Variants in MPDZ observed in about 807,000 individuals in gnomAD.
The protein encoded by MPDZ is multiple PDZ domain crumbs cell polarity complex component.
MPDZ carries 234 observed loss-of-function variants against 239.1 expected under a neutral mutation model. The observed-to-expected ratio is 0.98, with a 90% confidence interval of 0.88 to 1.09. MPDZ has a LOEUF of 1.09. Ranked by LOEUF, MPDZ falls within the 50% of genes least tolerant of loss-of-function variation. The pLI is 0.00. For missense variants in MPDZ, 3,175 were observed against 2,510.0 expected, an observed-to-expected ratio of 1.26 and a Z score of -5.66; for synonymous variants, 1,048 against 881.3, an observed-to-expected ratio of 1.19 and a Z score of -3.35.
chr9:13,115,728 G>A (rs954414914), intron 39 of MPDZ, among the ~76,000 whole-genome samples: 17 of 151,994 alleles, frequency 1.1e-4, no homozygotes, highest in Middle Eastern at 3.2e-3. Flanking sequence ...GGTGGATCAC[G>A]AGGTCAGGAG....
intron 23 of MPDZ, among the ~76,000 whole-genome samples, chr9:13,159,978 A>G (rs898521088): frequency 1.3e-5 from 2 of 152,190 alleles, no homozygotes; most frequent in African/African-American, 4.8e-5. Flanking sequence ...ATCAACTATA[A>G]TAAGTAGATC....
intron 3 of MPDZ, among the ~76,000 whole-genome samples, chr9:13,225,252 T>C (rs1180311464): frequency 6.6e-6 from 1 of 152,120 alleles, no homozygotes. Flanking sequence ...CTAAGGTTAA[T>C]TTATTATTGA....
chr9:13,216,822 A>C lies in MPDZ; in HGVS notation c.1242T>G (p.Ser414Arg), dbSNP rs529357772. Residue 414 changes from serine (S) to arginine (R), a missense_variant, in exon 10 of 47, where the codon AGT becomes AGG. Coordinates refer to ENST00000319217, the MANE Select transcript of MPDZ (RefSeq NM_001378778.1). ...GGATTCTTCCATCATGCTCAACGGC[A>C]CTGCTTTTTGTAATGCTCTTTACAA... is the stretch of plus-strand genomic sequence containing the variant. ...GIFVKSITKS[S>R]AVEHDGRIQI... 6.2e-7 allele frequency: 1 copy of C among 1,610,370 alleles called. No individual in the cohort carries two copies. The highest frequency in any genetic ancestry group is 1.7e-5 in the Admixed American group (1 of 59,716).
At position 13,121,925 on chromosome 9, in the gene MPDZ, C is replaced by A; in HGVS notation, c.5045G>T (p.Gly1682Val). 1.9e-6 allele frequency: 3 copies of A among 1,612,918 alleles called. No homozygotes were observed. Among genetic ancestry groups the A allele is most frequent in the Non-Finnish European group, 2.5e-6 (3 of 1,179,386 alleles). The change falls in exon 38 of 47, where the codon GGA becomes GTA. Residue 1682 changes from glycine to valine, a missense_variant. Physicochemically the swap from Gly to Val is moderately radical, Grantham distance 109. Coordinates refer to ENST00000319217, the MANE Select transcript of MPDZ (RefSeq NM_001378778.1). ...ATGTGTGGCCTTTCTCAAGTCAATTCCATTCACCTGTACAGAAATGGGACA... is the reference window on the plus strand; with the variant it reads ...ATGTGTGGCCTTTCTCAAGTCAATTACATTCACCTGTACAGAAATGGGACA... ...WAGDQILEVNGIDLRKATHDE... is the reference protein window; with the variant it reads ...WAGDQILEVNVIDLRKATHDE...
At chr9:13,208,366 C>G (rs974298304) in intron 10 of MPDZ, among the ~76,000 whole-genome samples, 47 of 151,786 alleles carry the variant, frequency 3.1e-4, no homozygotes, top group African/African-American at 1.1e-3. Flanking sequence ...ATCACTTAAG[C>G]CCAGAAGGTT....
chr9:13,106,823 G>T lies in MPDZ; in HGVS notation c.*142C>A. On this transcript the variant is annotated 3_prime_UTR_variant, in exon 47 of 47. Coordinates refer to ENST00000319217, the MANE Select transcript of MPDZ (RefSeq NM_001378778.1). ...CAGTAAGGAAAGCATTTCTAGATGA[G>T]AAAAAGAAACTTAAGTGTTATTTCC... 1.1e-6 allele frequency: 1 copy of T among 890,166 alleles called. No homozygotes were observed. Among genetic ancestry groups the T allele is most frequent in the Non-Finnish European group, 1.7e-6 (1 of 604,510 alleles). 55.1% of individuals were successfully genotyped at this position (890,166 alleles called of 1,614,324 possible).
intron 26 of MPDZ, among the ~76,000 whole-genome samples, chr9:13,143,818 T>C (rs1948072719): frequency 1.3e-5 from 2 of 152,278 alleles, no homozygotes; most frequent in Non-Finnish European, 2.9e-5. Context: ...CCCAAATTTC[T>C]TTTATTTTTG....
intron 1 of MPDZ, among the ~76,000 whole-genome samples, chr9:13,251,661 G>C (rs1448192755): frequency 1.3e-5 from 2 of 152,158 alleles, no homozygotes; most frequent in Non-Finnish European, 2.9e-5. Flanking sequence ...ACCTCTTTAA[G>C]ACAAAATTCA....
At chr9:13,229,211 A>C (rs1763334763) in intron 3 of MPDZ, among the ~76,000 whole-genome samples, 1 of 152,094 alleles carries the variant, frequency 6.6e-6, no homozygotes, top group South Asian at 2.1e-4. Context: ...AAATAAATAA[A>C]CCACTTTAAA....
chr9:13,198,539 G>A (rs768168599), intron 12 of MPDZ, among the ~76,000 whole-genome samples: 4 of 151,710 alleles, frequency 2.6e-5, no homozygotes, highest in South Asian at 2.1e-4. Flanking sequence ...TCTTTGGGTT[G>A]TCTATTTATA....
chr9:13,126,469 C>G, intron 34 of MPDZ, 47 bp downstream of exon 34: 1 of 1,316,298 alleles, frequency 7.6e-7, no homozygotes, highest in Non-Finnish European at 1.1e-6. Flanking sequence ...TTTAATCATG[C>G]CCAAGGATGG....
intron 1 of MPDZ, among the ~76,000 whole-genome samples, chr9:13,273,575 A>G (rs1973496695): frequency 6.6e-6 from 1 of 152,314 alleles, no homozygotes. Flanking sequence ...ATTATCAAAC[A>G]CACCAAGAGT....
chr9:13,107,389 G>A lies in MPDZ; in HGVS notation c.6067-278C>T, dbSNP rs375609295. The stretch of plus-strand genomic sequence containing the variant: ...TTGGCTGTTCAGCACAGCAGTTGGT[G>A]GGAACACAAATTAATAAAGAATATT... On this transcript the variant is annotated intron_variant, in intron 46 of 46. Coordinates refer to ENST00000319217, the MANE Select transcript of MPDZ (RefSeq NM_001378778.1). Among the ~76,000 whole-genome samples the A allele has an allele frequency of 5.6e-4, 86 of 152,234 alleles. 3 individuals are homozygous for A. In the South Asian group the frequency reaches 0.018, roughly 31 times the overall value.
intron 12 of MPDZ, among the ~76,000 whole-genome samples, chr9:13,198,622 T>C (rs967580357): frequency 6.6e-6 from 1 of 152,084 alleles, no homozygotes; most frequent in Non-Finnish European, 1.5e-5. Flanking sequence ...TGGCTTTGGT[T>C]GCCCGTGCTT....
At chr9:13,160,819 C>A (rs1950367034) in intron 23 of MPDZ, among the ~76,000 whole-genome samples, 1 of 59,648 alleles carries the variant, frequency 1.7e-5, no homozygotes, top group Admixed American at 2.5e-4. Context: ...TTTTTCTTGT[C>A]ATTATTAAAA....
chr9:13,257,106 A>T (rs1969626463), intron 1 of MPDZ, among the ~76,000 whole-genome samples: 1 of 152,182 alleles, frequency 6.6e-6, no homozygotes, highest in African/African-American at 2.4e-5. Context: ...GTATCCTGCT[A>T]GTGGCCATAT....
chr9:13,221,726 T>G (rs1959124671), intron 6 of MPDZ, among the ~76,000 whole-genome samples: 1 of 151,988 alleles, frequency 6.6e-6, no homozygotes, highest in Admixed American at 6.6e-5. Context: ...ATCATAATGA[T>G]TTCACTTCAA....
At chr9:13,107,220 A>G (rs1941607940) in intron 46 of MPDZ, 109 bp from the exon 47 acceptor site, 1 of 1,191,902 alleles carries the variant, frequency 8.4e-7, no homozygotes, top group Non-Finnish European at 1.2e-6. Context: ...GTACACACAC[A>G]CTGCTCCCAG....
intron 25 of MPDZ, among the ~76,000 whole-genome samples, chr9:13,149,967 G>C (rs147686991): frequency 7.4e-4 from 113 of 151,680 alleles, no homozygotes; most frequent in African/African-American, 2.5e-3. Context: ...TACTAAAAAA[G>C]ACTCACTTGG....
Sources: allele counts gnomAD v4.1 joint callset (sites outside exome capture counted in the v4.1 genomes callset), GRCh38; gene constraint gnomAD v4.1.1; transcripts MANE v1.5; gene names NCBI Gene and HGNC (gene_info 2026-07-23, HGNC 2026-07-21).